CTDNEP1: variants seen among roughly 807,000 people sequenced by gnomAD.
CTDNEP1 encodes CTD nuclear envelope phosphatase 1.
In CTDNEP1, 3 loss-of-function variants were observed where a neutral mutation model predicts 30.1. The ratio of observed to expected loss-of-function variants is 0.10; its 90% confidence interval spans 0.05 to 0.26. CTDNEP1 has a LOEUF of 0.26. CTDNEP1 is among the 10% of genes least tolerant of loss of function. CTDNEP1 has a pLI of 1.00. For synonymous variants in CTDNEP1, 123 were observed against 118.8 expected, an observed-to-expected ratio of 1.04 and a Z score of -0.23; for missense variants, 158 against 310.4, an observed-to-expected ratio of 0.51 and a Z score of 3.69.
rs1380680768 is a variant in CTDNEP1 at position 7,246,560 on chromosome 17, T to G, written c.361-190A>C. ...CAGTGTTAGGCATCCTACACTCTTA[T>G]GATTCAGAAATGCAAGAACAAAAGA... On this transcript the variant is annotated intron_variant, in intron 4 of 7. Coordinates refer to ENST00000574322, the MANE Select transcript of CTDNEP1 (RefSeq NM_001143775.2). The surrounding 1 kb of genome is among the most constrained non-coding windows in gnomAD (Gnocchi z 4.9). 1 of 640,446 alleles carries G rather than the reference T, an allele frequency of 1.6e-6. No homozygotes were observed. Among genetic ancestry groups the G allele is most frequent in the South Asian group, 1.9e-5 (1 of 53,346 alleles). 39.7% of individuals were successfully genotyped at this position (640,446 alleles called of 1,614,324 possible).
chr17:7,246,048 T>A lies in CTDNEP1; in HGVS notation c.567A>T (p.Pro189=). 6.2e-7 allele frequency: 1 copy of A among 1,613,758 alleles called. No individual in the cohort carries two copies. The highest frequency in any genetic ancestry group is 8.5e-7 in the Non-Finnish European group (1 of 1,179,754). The change falls in exon 6 of 8, where the codon CCA becomes CCT. Residue 189 remains proline, a synonymous_variant. Transcript: ENST00000574322. The surrounding 1 kb of genome is among the most constrained non-coding windows in gnomAD (Gnocchi z 4.9). The part of the protein sequence containing the change: ...LSSIVILDNS[P]GAYRSHPDNA... ...TACCTGGATGGCTCCTGTAAGCCCC[T>A]GGGGAGTTATCCAGGATCACAATGC...
At chr17:7,249,797 G>A (rs2071888620) in intron 1 of CTDNEP1, among the ~76,000 whole-genome samples, 1 of 152,118 alleles carries the variant, frequency 6.6e-6, no homozygotes, top group South Asian at 2.1e-4. Context: ...TGTAATCCCA[G>A]CTATTCGAGA....
intron 1 of CTDNEP1, among the ~76,000 whole-genome samples, chr17:7,249,619 T>C (rs915132830): frequency 2.4e-4 from 37 of 152,188 alleles, no homozygotes; most frequent in African/African-American, 8.9e-4. Flanking sequence ...AGTCAACCCA[T>C]AAAGAAAACC....
chr17:7,245,063 C>A (rs968437568), intron 6 of CTDNEP1, among the ~76,000 whole-genome samples: 1 of 152,104 alleles, frequency 6.6e-6, no homozygotes, highest in Non-Finnish European at 1.5e-5. Flanking sequence ...GAGGCCAAAG[C>A]GGACGAATCA....
At chr17:7,251,131 C>T in intron 1 of CTDNEP1, 64 bp downstream of exon 1, 1 of 1,226,542 alleles carries the variant, frequency 8.2e-7, no homozygotes, top group Non-Finnish European at 1.1e-6. Flanking sequence ...CCCTGAGCAC[C>T]ACGGACAGAT....
At position 7,246,418 on chromosome 17, in the gene CTDNEP1, C is replaced by T; in HGVS notation, c.361-48G>A. 1 of 1,308,870 alleles carries T rather than the reference C, an allele frequency of 7.6e-7. No homozygotes were observed. Among genetic ancestry groups the T allele is most frequent in the Non-Finnish European group, 1.1e-6 (1 of 905,484 alleles). 81.1% of individuals were successfully genotyped at this position (1,308,870 alleles called of 1,614,324 possible). A position where few individuals can be genotyped will look rare whatever the true frequency, so the allele number is the denominator to read the frequency against. ...GCGATGCCATACAAGGTGATGATTCCTTTAGACATACAGTTATCTTTCAGA... is the reference window on the plus strand; with the variant it reads ...GCGATGCCATACAAGGTGATGATTCTTTTAGACATACAGTTATCTTTCAGA... On this transcript the variant is annotated intron_variant, in intron 4 of 7. Coordinates refer to ENST00000574322, the MANE Select transcript of CTDNEP1 (RefSeq NM_001143775.2). This position sits in a 1 kb window ranked among gnomAD's most constrained non-coding sequence, Gnocchi z 4.9.
At position 7,246,686 on chromosome 17, in the gene CTDNEP1, G is replaced by C. The variant is rs2071843263; in HGVS notation, c.360+105C>G. 2 of 971,768 alleles carry C rather than the reference G, an allele frequency of 2.1e-6. No individual in the cohort carries two copies. Among genetic ancestry groups the C allele is most frequent in the Non-Finnish European group, 3.2e-6 (2 of 618,780 alleles). The allele number at this position is 971,768 out of a possible 1,614,324, so 60.2% of individuals were successfully genotyped here. A position where few individuals can be genotyped will look rare whatever the true frequency, so the allele number is the denominator to read the frequency against. ...TACACAGCCTCCCCTCTAGAAAACT[G>C]CTCTAACCCGTTTCTCCTCACCCCT... On this transcript the variant is annotated intron_variant, in intron 4 of 7. Transcript: ENST00000574322. The surrounding 1 kb of genome is among the most constrained non-coding windows in gnomAD (Gnocchi z 4.9).
rs1892950629 is a variant in CTDNEP1, at chr17:7,246,296, C to T, written c.435G>A (p.Leu145=). 6.2e-7 allele frequency: 1 copy of T among 1,613,850 alleles called. No homozygotes were observed. The highest frequency in any genetic ancestry group is 1.1e-5 in the South Asian group (1 of 91,076). The change falls in exon 5 of 8, where the codon CTG becomes CTA. Residue 145 remains leucine (L), a synonymous_variant. Transcript: ENST00000574322. The surrounding 1 kb of genome is among the most constrained non-coding windows in gnomAD (Gnocchi z 4.9). ...TCTTAAGAATGCTTCTGCTATTGTC[C>T]AGTTTATCTGCCACAGCAGAGCCAT... is the stretch of plus-strand genomic sequence containing the variant. ...EIYGSAVADK[L]DNSRSILKRR...
chr17:7,246,455 A>G lies in CTDNEP1; in HGVS notation c.361-85T>C, dbSNP rs2071838956. ...AGTTATCTTTCAGAAAGGCAATGGCATAGTCCTTCAGGCCTTCCATCAACA... is the reference window on the plus strand; with the variant it reads ...AGTTATCTTTCAGAAAGGCAATGGCGTAGTCCTTCAGGCCTTCCATCAACA... On this transcript the variant is annotated intron_variant, in intron 4 of 7. Transcript: ENST00000574322. This position sits in a 1 kb window ranked among gnomAD's most constrained non-coding sequence, Gnocchi z 4.9. 4 of 995,776 alleles carry G rather than the reference A, an allele frequency of 4.0e-6. No homozygotes were observed. 61.7% of individuals were successfully genotyped at this position (995,776 alleles called of 1,614,324 possible).
In CTDNEP1 at chr17:7,251,306, CCCGGCACCG is replaced by C; in HGVS notation, c.-19_-11del. 2.0e-6 allele frequency: 3 copies of C among 1,520,820 alleles called. No homozygotes were observed. The highest frequency in any genetic ancestry group is 1.4e-5 in the African/African-American group (1 of 69,906). 94.2% of individuals were successfully genotyped at this position (1,520,820 alleles called of 1,614,324 possible). ...ACTGCGTCCGCATCATCCCGATGAC[CCCGGCACCG>C]CCGGCCCCGGGGCCCCCGCGGCCCA... On this transcript the variant is annotated 5_prime_UTR_variant, in exon 1 of 8. Coordinates refer to ENST00000574322, the MANE Select transcript of CTDNEP1 (RefSeq NM_001143775.2).
At chr17:7,249,612 C>G (rs887411036) in intron 1 of CTDNEP1, among the ~76,000 whole-genome samples, 3 of 152,162 alleles carry the variant, frequency 2.0e-5, no homozygotes, top group African/African-American at 7.2e-5. Flanking sequence ...AGATGGCAGT[C>G]AACCCATAAA....
At position 7,247,056 on chromosome 17, in the gene CTDNEP1, C is replaced by T. The variant is rs769302688; in HGVS notation, c.288+8G>A. The T allele has an allele frequency of 6.3e-7, 1 of 1,598,728 alleles. No individual in the cohort carries two copies. The highest frequency in any genetic ancestry group is 1.1e-5 in the South Asian group (1 of 90,684). On this transcript the variant is annotated splice_region_variant and intron_variant, in intron 3 of 7. Transcript: ENST00000574322. ...GGAACCATTTCATCACTCCCCACCA[C>T]CACACACCTTGAGGATGAAGTCAGG...
Position 7,244,450 on chromosome 17 carries a change from G to A in CTDNEP1, c.674+101C>T, listed in dbSNP as rs1004930363. 1.2e-5 allele frequency: 16 copies of A among 1,294,710 alleles called. No homozygotes were observed. In the African/African-American group the frequency reaches 2.0e-4, roughly 17 times the overall value. 80.2% of individuals were successfully genotyped at this position (1,294,710 alleles called of 1,614,324 possible). ...GGGTCCAAATGTTAAATTCTTAAGG[G>A]AACAGAGTTAAAACAGGACAAACCT... On this transcript the variant is annotated intron_variant, in intron 7 of 7. Coordinates refer to ENST00000574322, the MANE Select transcript of CTDNEP1 (RefSeq NM_001143775.2).
chr17:7,243,957 G>A lies in CTDNEP1; in HGVS notation c.*228C>T, dbSNP rs1567586193. 4 of 1,374,570 alleles carry A rather than the reference G, an allele frequency of 2.9e-6. No individual in the cohort carries two copies. Among genetic ancestry groups the A allele is most frequent in the Non-Finnish European group, 3.8e-6 (4 of 1,062,014 alleles). The allele number at this position is 1,374,570 out of a possible 1,614,324, so 85.1% of individuals were successfully genotyped here. On this transcript the variant is annotated 3_prime_UTR_variant, in exon 8 of 8. Coordinates refer to ENST00000574322, the MANE Select transcript of CTDNEP1 (RefSeq NM_001143775.2). ...GCTTCCGCCTGTGTCCCAGTCTGGG[G>A]TTTCCATGGAGTGTGAACACGAAGT...
At position 7,251,353 on chromosome 17, in the gene CTDNEP1, C is replaced by T; in HGVS notation, c.-57G>A. 1 of 1,231,062 alleles carries T rather than the reference C, an allele frequency of 8.1e-7. No homozygotes were observed. The highest frequency in any genetic ancestry group is 1.1e-6 in the Non-Finnish European group (1 of 941,350). 76.3% of individuals were successfully genotyped at this position (1,231,062 alleles called of 1,614,324 possible). A position where few individuals can be genotyped will look rare whatever the true frequency, so the allele number is the denominator to read the frequency against. ...CCCCCGCGGCCCAGCTCCGCCAGCC[C>T]CCCGGGGGCAGCCCCCCGCCGCCGG... On this transcript the variant is annotated 5_prime_UTR_variant, in exon 1 of 8. Coordinates refer to ENST00000574322, the MANE Select transcript of CTDNEP1 (RefSeq NM_001143775.2).
Position 7,244,114 on chromosome 17 carries a change from A to C in CTDNEP1, c.*71T>G, listed in dbSNP as rs1304202895. 6.2e-7 allele frequency: 1 copy of C among 1,602,564 alleles called. No homozygotes were observed. The highest frequency in any genetic ancestry group is 1.3e-5 in the African/African-American group (1 of 74,910). On this transcript the variant is annotated 3_prime_UTR_variant, in exon 8 of 8. Coordinates refer to ENST00000574322, the MANE Select transcript of CTDNEP1 (RefSeq NM_001143775.2). Reference sequence around the variant, plus strand: ...AGGCAGTCCTCACATTGGACAGGGCATCAGACGGCATCCCAAGGGCTCGCC... The same window carrying C: ...AGGCAGTCCTCACATTGGACAGGGCCTCAGACGGCATCCCAAGGGCTCGCC...
Position 7,246,394 on chromosome 17 carries a change from C to G in CTDNEP1, c.361-24G>C, listed in dbSNP as rs369975089. 6.6e-7 allele frequency: 1 copy of G among 1,512,558 alleles called. No individual in the cohort carries two copies. Among genetic ancestry groups the G allele is most frequent in the South Asian group, 1.1e-5 (1 of 88,990 alleles). The allele number at this position is 1,512,558 out of a possible 1,614,324, so 93.7% of individuals were successfully genotyped here. A position where few individuals can be genotyped will look rare whatever the true frequency, so the allele number is the denominator to read the frequency against. On this transcript the variant is annotated intron_variant, in intron 4 of 7. Coordinates refer to ENST00000574322, the MANE Select transcript of CTDNEP1 (RefSeq NM_001143775.2). The surrounding 1 kb of genome is among the most constrained non-coding windows in gnomAD (Gnocchi z 4.9). ...ACCTGAAATAGATTGGGGGAGAGGG[C>G]GATGCCATACAAGGTGATGATTCCT... is the stretch of plus-strand genomic sequence containing the variant.
chr17:7,243,824 A>C lies in CTDNEP1; in HGVS notation c.*361T>G, dbSNP rs974906995. ...GTACAAGAGTTTTTTAAAAAAAATC[A>C]AATCACAACAAAGCTGACTTGGCTT... On this transcript the variant is annotated 3_prime_UTR_variant, in exon 8 of 8. Coordinates refer to ENST00000574322, the MANE Select transcript of CTDNEP1 (RefSeq NM_001143775.2). The C allele has an allele frequency of 3.5e-6, 2 of 564,730 alleles. No individual in the cohort carries two copies. Among genetic ancestry groups the C allele is most frequent in the African/African-American group, 4.0e-5 (2 of 49,910 alleles). The allele number at this position is 564,730 out of a possible 1,614,324, so 35.0% of individuals were successfully genotyped here. A position where few individuals can be genotyped will look rare whatever the true frequency, so the allele number is the denominator to read the frequency against.
In CTDNEP1 at chr17:7,247,343, C is replaced by T. The variant is rs777129942; in HGVS notation, c.103G>A (p.Val35Ile). Reference sequence around the variant, plus strand: ...TATCGAACAGTTTGGTACTGAATTACCTACAAATAGCACAAAAGAGGATTG... The same window carrying T: ...TATCGAACAGTTTGGTACTGAATTATCTACAAATAGCACAAAAGAGGATTG... ...IYLLRRQIRT[V>I]IQYQTVRYDI... The change falls in exon 2 of 8, where the codon GTA becomes ATA. Residue 35 changes from valine (V) to isoleucine (I), a missense_variant and splice_region_variant. Val to Ile is a conservative substitution (Grantham distance 29). Around this residue, in one of 2 missense-constraint regions of CTDNEP1, gnomAD observed 62 missense variants for 81.4 expected, o/e 0.76. Transcript: ENST00000574322. 6 of 1,613,146 alleles carry T rather than the reference C, an allele frequency of 3.7e-6. No homozygotes were observed. Among genetic ancestry groups the T allele is most frequent in the Non-Finnish European group, 5.1e-6 (6 of 1,179,500 alleles).
Sources: allele counts gnomAD v4.1 joint callset (sites outside exome capture counted in the v4.1 genomes callset), GRCh38; gene constraint gnomAD v4.1.1; regional missense constraint gnomAD v4.1.1; non-coding constraint Gnocchi (gnomAD v3.1); transcripts MANE v1.5; gene names NCBI Gene and HGNC (gene_info 2026-07-23, HGNC 2026-07-21).